The following SNRNP35 variants were observed in gnomAD, a reference collection of about 807,000 sequenced individuals.
The protein encoded by SNRNP35 is small nuclear ribonucleoprotein U11/U12 subunit 35, also known as U11/U12 small nuclear ribonucleoprotein 35 kDa protein.
A neutral mutation model predicts 24.3 loss-of-function variants in SNRNP35; 16 were observed. The observed-to-expected ratio is 0.66, with a 90% confidence interval of 0.45 to 1.00. The LOEUF (loss-of-function observed/expected upper bound fraction) is 1.00, where lower values mean the gene tolerates loss of function less well. Ranked by LOEUF, SNRNP35 falls within the 50% of genes least tolerant of loss-of-function variation. SNRNP35 has a pLI of 0.00. For synonymous variants in SNRNP35, 106 were observed against 124.8 expected (o/e 0.85, Z 1.00); for missense variants, 292 against 327.2 (o/e 0.89, Z 0.83).
At chr12:123,472,444 G>A (rs554637256) in exon 2 of SNRNP35, 101 of 1,399,618 alleles carry the variant, frequency 7.2e-5, no homozygotes, top group Admixed American at 9.1e-5. Flanking sequence ...CATCTGCACC[G>A]AGAGGCTTGA....
At chr12:123,463,469 C>T (rs1441816938) in intron 1 of SNRNP35, among the ~76,000 whole-genome samples, 1 of 151,722 alleles carries the variant, frequency 6.6e-6, no homozygotes, top group Non-Finnish European at 1.5e-5. Context: ...CCTCCGCCTC[C>T]TGGGTTCAAG....
downstream of SNRNP35, chr12:123,471,217 T>G (rs1428122430): frequency 6.6e-6 from 1 of 152,094 alleles, no homozygotes; most frequent in Non-Finnish European, 1.5e-5. Flanking sequence ...ATTATAGGCA[T>G]GCACCACCTC....
chr12:123,468,647 G>A (rs1195192402), downstream of SNRNP35, among the ~76,000 whole-genome samples: 1 of 151,524 alleles, frequency 6.6e-6, no homozygotes, highest in Admixed American at 6.6e-5. Context: ...CTGAGATTGT[G>A]CCACTGCACT....
chr12:123,469,483 G>C (rs1261746611), downstream of SNRNP35, among the ~76,000 whole-genome samples: 6 of 151,288 alleles, frequency 4.0e-5, no homozygotes, highest in African/African-American at 1.2e-4. Flanking sequence ...TACTCATATG[G>C]AGTTATTGCT....
chr12:123,466,347 A>G lies in SNRNP35; in HGVS notation c.*66A>G. 1.4e-6 allele frequency: 2 copies of G among 1,450,498 alleles called. No homozygotes were observed. The highest frequency in any genetic ancestry group is 9.2e-7 in the Non-Finnish European group (1 of 1,083,110). 89.9% of individuals were successfully genotyped at this position (1,450,498 alleles called of 1,614,324 possible). On this transcript the variant is annotated 3_prime_UTR_variant, in exon 2 of 2. Coordinates refer to ENST00000526639, the MANE Select transcript of SNRNP35 (RefSeq NM_022717.4). ...ATGAGTGGAGGGGGATTGTCTTTCA[A>G]CGCAGCGTGAGTCTAATGGTTGAAT...
At chr12:123,471,203 T>A (rs894517647), downstream of SNRNP35, 9 of 152,072 alleles carry the variant, frequency 5.9e-5, no homozygotes, top group Non-Finnish European at 1.0e-4. Context: ...CCTGAGCAGC[T>A]GGGATTATAG....
At chr12:123,467,061 C>A (rs1160211756), downstream of SNRNP35, 2 of 152,212 alleles carry the variant, frequency 1.3e-5, no homozygotes, top group African/African-American at 2.4e-5. Context: ...TAATCACACT[C>A]CTCTGAGTCC....
At chr12:123,460,025 A>G (rs1880515625) in intron 1 of SNRNP35, 8 of 675,716 alleles carry the variant, frequency 1.2e-5, no homozygotes, top group Non-Finnish European at 2.1e-5. Flanking sequence ...GTGTACAATA[A>G]TATCAGTTTT....
intron 1 of SNRNP35, chr12:123,458,823 T>C: frequency 6.6e-6 from 1 of 152,476 alleles, no homozygotes; most frequent in Non-Finnish European, 1.5e-5. Context: ...CTCGATCTCC[T>C]GTCCTCGTGA....
At chr12:123,468,192 C>T (rs6606748), downstream of SNRNP35, among the ~76,000 whole-genome samples, 37,979 of 150,820 alleles carry the variant, frequency 0.25, 5,379 homozygotes, top group African/African-American at 0.38. Flanking sequence ...AGCCCCATCC[C>T]TACTAAAAAT....
In SNRNP35 at chr12:123,472,654, G is replaced by A. The variant is rs368368110; in HGVS notation, n.1661G>A. On this transcript the variant is annotated non_coding_transcript_exon_variant, in exon 2 of 2. Transcript: ENST00000527158. ...ACGTTTCTCTGTGTGTTGGCCAGGC[G>A]CTTCTTATCTCGGGAGAAGAAGCTA... 8 of 1,598,740 alleles carry A rather than the reference G, an allele frequency of 5.0e-6. No homozygotes were observed. Among genetic ancestry groups the A allele is most frequent in the African/African-American group, 1.3e-5 (1 of 74,716 alleles).
chr12:123,470,082 C>T (rs1297944955), downstream of SNRNP35: 1 of 152,118 alleles, frequency 6.6e-6, no homozygotes, highest in Non-Finnish European at 1.5e-5. Flanking sequence ...TTTTATTTTA[C>T]ATAATTGCAT....
chr12:123,470,487 AAAAAAAG>A, downstream of SNRNP35: 1 of 153,304 alleles, frequency 6.5e-6, no homozygotes, highest in Non-Finnish European at 1.4e-5. Context: ...AAAAAAAAAA[AAAAAAAG>A]GCCAGCCACA....
chr12:123,467,527 T>C (rs1881026838), downstream of SNRNP35, among the ~76,000 whole-genome samples: 1 of 152,198 alleles, frequency 6.6e-6, no homozygotes, highest in Non-Finnish European at 1.5e-5. Flanking sequence ...GACCTTAACT[T>C]CTGAGGACTT....
At chr12:123,468,364 AAAAAAAAAAAAG>A (rs1881049294), downstream of SNRNP35, among the ~76,000 whole-genome samples, 1 of 147,734 alleles carries the variant, frequency 6.8e-6, no homozygotes, top group African/African-American at 2.5e-5. Flanking sequence ...GTCTCAAAAA[AAAAAAAAAAAAG>A]AAAAGAAAAA....
chr12:123,464,125 G>T (rs1880802810), intron 1 of SNRNP35, among the ~76,000 whole-genome samples: 1 of 151,044 alleles, frequency 6.6e-6, no homozygotes. Context: ...TTGAGATGGG[G>T]TTTCTCTATG....
chr12:123,463,990 A>G (rs1263508158), intron 1 of SNRNP35, among the ~76,000 whole-genome samples: 8 of 145,458 alleles, frequency 5.5e-5, no homozygotes, highest in African/African-American at 2.0e-4. Flanking sequence ...CTGGAGTGCA[A>G]TGGCGTGGTC....
At chr12:123,468,531 A>C (rs1381164159), downstream of SNRNP35, among the ~76,000 whole-genome samples, 1 of 151,982 alleles carries the variant, frequency 6.6e-6, no homozygotes, top group Non-Finnish European at 1.5e-5. Context: ...TTTACGAAAA[A>C]CACAAAAATT....
intron 1 of SNRNP35, among the ~76,000 whole-genome samples, chr12:123,460,198 A>G (rs574471684): frequency 1.3e-5 from 2 of 152,260 alleles, no homozygotes; most frequent in South Asian, 4.1e-4. Flanking sequence ...GGTGGGTCTC[A>G]GCCTCAGACA....
Sources: allele counts gnomAD v4.1 joint callset (sites outside exome capture counted in the v4.1 genomes callset), GRCh38; gene constraint gnomAD v4.1.1; transcripts MANE v1.5; gene names NCBI Gene and HGNC (gene_info 2026-07-23, HGNC 2026-07-21).